The following PLA2G4A variants were observed in gnomAD, a reference collection of about 807,000 sequenced individuals.
The protein encoded by PLA2G4A is cytosolic phospholipase A2.
PLA2G4A carries 40 observed loss-of-function variants against 81.9 expected under a neutral mutation model. That is an observed-to-expected ratio of 0.49 (90% confidence interval 0.38 to 0.64). The LOEUF (loss-of-function observed/expected upper bound fraction) is 0.64, where lower values mean the gene tolerates loss of function less well. PLA2G4A is among the 30% of genes least tolerant of loss of function. PLA2G4A has a pLI of 0.00. For missense variants in PLA2G4A, 715 were observed against 905.1 expected, an observed-to-expected ratio of 0.79 and a Z score of 2.69; for synonymous variants, 302 against 296.9, an observed-to-expected ratio of 1.02 and a Z score of -0.18.
At chr1:186,837,502 G>A (rs1295634539) in intron 1 of PLA2G4A, among the ~76,000 whole-genome samples, 2 of 151,682 alleles carry the variant, frequency 1.3e-5, no homozygotes, top group Admixed American at 6.6e-5. Flanking sequence ...GGCCGAGGCA[G>A]GCGGATCACG....
At chr1:186,913,623 T>C (rs1306445857) in intron 7 of PLA2G4A, among the ~76,000 whole-genome samples, 1 of 151,828 alleles carries the variant, frequency 6.6e-6, no homozygotes, top group Admixed American at 6.6e-5. Flanking sequence ...GAATATAATT[T>C]ATTTTCATAA....
At chr1:186,919,638 G>C (rs1305048718) in intron 7 of PLA2G4A, among the ~76,000 whole-genome samples, 1 of 152,188 alleles carries the variant, frequency 6.6e-6, no homozygotes, top group South Asian at 2.1e-4. Flanking sequence ...AGTGTACTGA[G>C]TAGTGACACC....
intron 1 of PLA2G4A, among the ~76,000 whole-genome samples, chr1:186,837,452 A>G (rs1651818861): frequency 6.6e-6 from 1 of 151,996 alleles, no homozygotes; most frequent in Non-Finnish European, 1.5e-5. Context: ...AATTTGGGCC[A>G]GGCTCAGTGG....
chr1:186,982,500 T>C (rs1446219583), intron 17 of PLA2G4A, among the ~76,000 whole-genome samples: 2 of 152,340 alleles, frequency 1.3e-5, no homozygotes, highest in East Asian at 1.9e-4. Flanking sequence ...TGAAGGTCCA[T>C]GGGGATTACA....
Position 186,950,249 on chromosome 1 carries a change from CTGTT to C in PLA2G4A, c.1265-405_1265-402del, listed in dbSNP as rs201562105. 9.4e-3 allele frequency among the ~76,000 whole-genome samples: 1,431 copies of C among 152,178 alleles called. 16 individuals carry two copies. Among genetic ancestry groups the C allele is most frequent in the Non-Finnish European group, 0.014 (980 of 67,988 alleles). ...GTATCTTTCATTCATTTTAAGAAAACTGTTTGGTAGCTCACCTGTAGATTTTGGT... is the reference window on the plus strand; with the variant it reads ...GTATCTTTCATTCATTTTAAGAAAACTGGTAGCTCACCTGTAGATTTTGGT... On this transcript the variant is annotated intron_variant, in intron 12 of 17. Coordinates refer to ENST00000367466, the MANE Select transcript of PLA2G4A (RefSeq NM_024420.3).
rs146674733 is a variant in PLA2G4A at position 186,965,536 on chromosome 1, T to C, written c.1707T>C (p.Asp569=). The change falls in exon 15 of 18, where the codon GAT becomes GAC. Residue 569 remains aspartate (D), a synonymous_variant. Coordinates refer to ENST00000367466, the MANE Select transcript of PLA2G4A (RefSeq NM_024420.3). Reference sequence around the variant, plus strand: ...TACTGAGACCTCAGAGAGGGGTTGATCTCATAATCTCCTTTGACTTTTCTG... The same window carrying C: ...TACTGAGACCTCAGAGAGGGGTTGACCTCATAATCTCCTTTGACTTTTCTG... The part of the protein sequence containing the change: ...PLILRPQRGV[D]LIISFDFSAR... 4.3e-6 allele frequency: 7 copies of C among 1,613,494 alleles called. No individual in the cohort carries two copies. The highest frequency in any genetic ancestry group is 5.9e-6 in the Non-Finnish European group (7 of 1,179,422).
At chr1:186,894,899 C>T (rs967919233) in intron 5 of PLA2G4A, among the ~76,000 whole-genome samples, 1 of 152,168 alleles carries the variant, frequency 6.6e-6, no homozygotes, top group Non-Finnish European at 1.5e-5. Flanking sequence ...GAAATGTAAA[C>T]AACTGGTGGG....
At chr1:186,889,496 G>A (rs1654058079) in intron 3 of PLA2G4A, among the ~76,000 whole-genome samples, 1 of 152,124 alleles carries the variant, frequency 6.6e-6, no homozygotes, top group Non-Finnish European at 1.5e-5. Context: ...ATTAAAGGCA[G>A]CCTCAAAGGC....
At chr1:186,977,221 C>G (rs1657564567) in intron 15 of PLA2G4A, among the ~76,000 whole-genome samples, 1 of 152,170 alleles carries the variant, frequency 6.6e-6, no homozygotes, top group African/African-American at 2.4e-5. Flanking sequence ...GGATTCTTCT[C>G]TGCATCATCA....
At chr1:186,877,609 C>T (rs1359414205) in intron 3 of PLA2G4A, among the ~76,000 whole-genome samples, 6 of 149,608 alleles carry the variant, frequency 4.0e-5, no homozygotes, top group Non-Finnish European at 8.9e-5. Flanking sequence ...ATTTCACTCC[C>T]TGTGCTCCCT....
At chr1:186,944,202 G>A (rs1656257545) in intron 10 of PLA2G4A, among the ~76,000 whole-genome samples, 1 of 152,022 alleles carries the variant, frequency 6.6e-6, no homozygotes, top group African/African-American at 2.4e-5. Context: ...TGAGTGTAAG[G>A]GCCCCAAAGG....
intron 3 of PLA2G4A, among the ~76,000 whole-genome samples, chr1:186,877,705 CAAAAAAAAAAAAAAAA>C (rs58954006): frequency 2.3e-5 from 2 of 86,914 alleles, no homozygotes; most frequent in Non-Finnish European, 4.1e-5. Flanking sequence ...GGCTTACTCA[CAAAAAAAAAAAAAAAA>C]AAAAAAAAAA....
intron 15 of PLA2G4A, among the ~76,000 whole-genome samples, chr1:186,973,161 C>T (rs12720677): frequency 6.6e-6 from 1 of 152,158 alleles, no homozygotes; most frequent in Non-Finnish European, 1.5e-5. Context: ...GAAATATATT[C>T]TCTCACAGTT....
At position 186,893,116 on chromosome 1, in the gene PLA2G4A, C is replaced by G; in HGVS notation, c.221C>G (p.Thr74Ser). Residue 74 changes from threonine (T) to serine (S), a missense_variant, in exon 4 of 18, where the codon ACC becomes AGC. Coordinates refer to ENST00000367466, the MANE Select transcript of PLA2G4A (RefSeq NM_024420.3). Reference protein sequence around the residue: ...NNDINPVWNETFEFILDPNQE... With the variant: ...NNDINPVWNESFEFILDPNQE... ...GACATAAACCCTGTGTGGAATGAGA[C>G]CTTTGAATTTATTTTGGATCCTAAT... 6.2e-7 allele frequency: 1 copy of G among 1,611,948 alleles called. No homozygotes were observed. Among genetic ancestry groups the G allele is most frequent in the Admixed American group, 1.7e-5 (1 of 60,014 alleles).
At chr1:186,947,968 T>A (rs1022671369) in intron 12 of PLA2G4A, among the ~76,000 whole-genome samples, 1 of 152,172 alleles carries the variant, frequency 6.6e-6, no homozygotes, top group Non-Finnish European at 1.5e-5. Context: ...TCCCAGGCAA[T>A]GTCAGTTGAT....
intron 1 of PLA2G4A, among the ~76,000 whole-genome samples, chr1:186,840,480 G>A (rs1651942419): frequency 6.6e-6 from 1 of 152,098 alleles, no homozygotes; most frequent in South Asian, 2.1e-4. Context: ...TGCTGGTCTC[G>A]TATTTAGTGG....
intron 3 of PLA2G4A, among the ~76,000 whole-genome samples, chr1:186,871,974 C>A (rs1393493534): frequency 6.6e-6 from 1 of 151,900 alleles, no homozygotes; most frequent in Non-Finnish European, 1.5e-5. Context: ...GCTTAAGGCT[C>A]ATATCATCAG....
Position 186,939,991 on chromosome 1 carries a change from T to A in PLA2G4A, c.930T>A (p.Thr310=). The change falls in exon 10 of 18, where the codon ACT becomes ACA. Residue 310 remains threonine, a synonymous_variant. Transcript: ENST00000367466. The part of the protein sequence containing the change: ...GETLIHNRMN[T]TLSSLKEKVN... Reference sequence around the variant, plus strand: ...TCTTCTGTGGACAGAGAATGAATACTACTCTGAGCAGTTTGAAGGAAAAAG... The same window carrying A: ...TCTTCTGTGGACAGAGAATGAATACAACTCTGAGCAGTTTGAAGGAAAAAG... 2 of 1,501,430 alleles carry A rather than the reference T, an allele frequency of 1.3e-6. No homozygotes were observed. Among genetic ancestry groups the A allele is most frequent in the Non-Finnish European group, 1.9e-6 (2 of 1,077,054 alleles). 93.0% of individuals were successfully genotyped at this position (1,501,430 alleles called of 1,614,324 possible).
intron 1 of PLA2G4A, among the ~76,000 whole-genome samples, chr1:186,841,456 G>A (rs192351521): frequency 6.6e-6 from 1 of 152,332 alleles, no homozygotes; most frequent in East Asian, 1.9e-4. Flanking sequence ...CAGGGAGGAT[G>A]CCAGTAGGGT....
Sources: allele counts gnomAD v4.1 joint callset (sites outside exome capture counted in the v4.1 genomes callset), GRCh38; gene constraint gnomAD v4.1.1; transcripts MANE v1.5; gene names NCBI Gene and HGNC (gene_info 2026-07-23, HGNC 2026-07-21).